PSD3: variants seen among roughly 807,000 people sequenced by gnomAD.
PSD3 encodes the protein pleckstrin and Sec7 domain containing 3.
In PSD3, 49 loss-of-function variants were observed where a neutral mutation model predicts 105.5. The observed-to-expected ratio is 0.46, with a 90% CI of 0.37 to 0.59. PSD3 has a LOEUF of 0.59. PSD3 is among the 20% of genes least tolerant of loss of function. PSD3 has a pLI of 0.00. For missense variants in PSD3, 1,561 were observed against 1,263.8 expected, an observed-to-expected ratio of 1.24 and a Z score of -3.57; for synonymous variants, 557 against 457.8, an observed-to-expected ratio of 1.22 and a Z score of -2.77.
intron 2 of PSD3, among the ~76,000 whole-genome samples, chr8:18,893,671 T>C (rs1818958274): frequency 6.7e-6 from 1 of 150,204 alleles, no homozygotes; most frequent in South Asian, 2.1e-4. Flanking sequence ...GCAGAGCACA[T>C]CCATGTGCTA....
intron 1 of PSD3, among the ~76,000 whole-genome samples, chr8:19,011,230 A>G (rs1257450573): frequency 1.3e-5 from 2 of 152,198 alleles, no homozygotes; most frequent in South Asian, 4.1e-4. Flanking sequence ...TAATATTCAC[A>G]TGGTTTTGCC....
chr8:19,072,761 G>A (rs762065163), intron 1 of PSD3, among the ~76,000 whole-genome samples: 2 of 152,174 alleles, frequency 1.3e-5, no homozygotes, highest in South Asian at 2.1e-4. Context: ...AGGCTCTCCA[G>A]GGTCTGCATA....
chr8:18,862,981 C>G (rs191856260), intron 4 of PSD3, among the ~76,000 whole-genome samples: 1 of 151,804 alleles, frequency 6.6e-6, no homozygotes, highest in Non-Finnish European at 1.5e-5. Flanking sequence ...ATCAGCTGCA[C>G]GCAGATGTAA....
rs187328089 is a variant in PSD3, at chr8:18,727,378, G to A, written c.2172+38071C>T. Among the ~76,000 whole-genome samples, 823 of 150,460 alleles carry A rather than the reference G, an allele frequency of 5.5e-3. 4 individuals are homozygous for A. Among genetic ancestry groups the A allele is most frequent in the Non-Finnish European group, 9.3e-3 (630 of 67,632 alleles). ...AAAAAAATGAGCCAGGCATGGTGGT[G>A]GACACCTGTAATCGCAGCTACTTGG... On this transcript the variant is annotated intron_variant, in intron 9 of 15. Coordinates refer to ENST00000327040, the MANE Select transcript of PSD3 (RefSeq NM_015310.4).
At chr8:18,903,202 G>C (rs1586375201) in intron 2 of PSD3, among the ~76,000 whole-genome samples, 1 of 152,164 alleles carries the variant, frequency 6.6e-6, no homozygotes, top group East Asian at 1.9e-4. Context: ...CCCAACTCCA[G>C]GAAAGTGATA....
chr8:18,895,690 G>A (rs1819101474), intron 2 of PSD3, among the ~76,000 whole-genome samples: 1 of 152,146 alleles, frequency 6.6e-6, no homozygotes, highest in South Asian at 2.1e-4. Flanking sequence ...GATAGTAACT[G>A]CACATATTTA....
At position 18,720,356 on chromosome 8, in the gene PSD3, G is replaced by C. The variant is rs565662261; in HGVS notation, c.2172+45093C>G. On this transcript the variant is annotated intron_variant, in intron 9 of 15. Coordinates refer to ENST00000327040, the MANE Select transcript of PSD3 (RefSeq NM_015310.4). The stretch of plus-strand genomic sequence containing the variant: ...AATTGGATTCTCTGAGCCTCTTAAG[G>C]TGACTCTTTGGATTGACAACACATT... Among the ~76,000 whole-genome samples the C allele has an allele frequency of 6.4e-4, 97 of 152,220 alleles. 1 individual carries two copies. Among genetic ancestry groups the C allele is most frequent in the African/African-American group, 2.2e-3 (93 of 41,528 alleles).
intron 11 of PSD3, among the ~76,000 whole-genome samples, chr8:18,602,890 C>A (rs1483239331): frequency 2.0e-5 from 3 of 152,108 alleles, no homozygotes; most frequent in Admixed American, 2.0e-4. Flanking sequence ...ATCATGAGGA[C>A]TGTAGAAGGA....
At chr8:18,831,895 TAAC>T (rs1813709320) in intron 4 of PSD3, among the ~76,000 whole-genome samples, 1 of 150,706 alleles carries the variant, frequency 6.6e-6, no homozygotes, top group South Asian at 2.1e-4. Flanking sequence ...AGAATAAATA[TAAC>T]AAAAAAAAAA....
At chr8:18,611,581 A>G (rs995964128) in intron 11 of PSD3, among the ~76,000 whole-genome samples, 2 of 144,606 alleles carry the variant, frequency 1.4e-5, no homozygotes, top group African/African-American at 2.5e-5. Context: ...AATATATGCA[A>G]TCCTTTGGAT....
intron 9 of PSD3, among the ~76,000 whole-genome samples, chr8:18,728,581 T>C (rs529192429): frequency 6.6e-6 from 1 of 152,122 alleles, no homozygotes; most frequent in South Asian, 2.1e-4. Flanking sequence ...TTGAAGGAAG[T>C]TCAGTGGTTC....
chr8:18,617,926 T>C (rs951119850), intron 11 of PSD3, among the ~76,000 whole-genome samples: 2 of 152,158 alleles, frequency 1.3e-5, no homozygotes, highest in Non-Finnish European at 2.9e-5. Flanking sequence ...TGCAAAGCCG[T>C]CTCTAGTGGG....
At chr8:18,753,221 A>G (rs375148720) in intron 9 of PSD3, among the ~76,000 whole-genome samples, 7 of 151,946 alleles carry the variant, frequency 4.6e-5, no homozygotes, top group African/African-American at 1.7e-4. Flanking sequence ...CAGGTGTGGT[A>G]GCGTGCGCCT....
intron 2 of PSD3, among the ~76,000 whole-genome samples, chr8:18,892,708 T>A (rs1312306393): frequency 3.3e-5 from 5 of 151,062 alleles, no homozygotes; most frequent in Non-Finnish European, 5.9e-5. Flanking sequence ...CACTGCAATC[T>A]CTGCCTCTCA....
intron 2 of PSD3, among the ~76,000 whole-genome samples, chr8:18,894,942 T>C (rs1300591429): frequency 1.3e-5 from 2 of 152,214 alleles, no homozygotes; most frequent in African/African-American, 4.8e-5. Context: ...AAGAGAGATT[T>C]TGGGTACTCT....
chr8:19,023,742 A>T (rs2129475968), intron 1 of PSD3, among the ~76,000 whole-genome samples: 1 of 152,266 alleles, frequency 6.6e-6, no homozygotes, highest in East Asian at 1.9e-4. Flanking sequence ...TGGCTACTGT[A>T]TTTAGACATT....
intron 9 of PSD3, among the ~76,000 whole-genome samples, chr8:18,681,390 T>C (rs963229589): frequency 1.4e-5 from 2 of 147,592 alleles, no homozygotes; most frequent in Non-Finnish European, 3.0e-5. Flanking sequence ...AAGGACTGCT[T>C]GAGCCCAGGA....
intron 8 of PSD3, among the ~76,000 whole-genome samples, chr8:18,790,113 A>AGG (rs1364644474): frequency 6.6e-6 from 1 of 152,120 alleles, no homozygotes; most frequent in African/African-American, 2.4e-5. Context: ...GATGGAAAAA[A>AGG]GGAAAGAAGG....
At chr8:18,852,699 C>G (rs1038726884) in intron 4 of PSD3, among the ~76,000 whole-genome samples, 3 of 152,166 alleles carry the variant, frequency 2.0e-5, no homozygotes, top group Non-Finnish European at 2.9e-5. Flanking sequence ...TGGAACCTGG[C>G]CACAAGGAAG....
Sources: gnomAD v4.1 joint callset for allele counts (sites outside exome capture counted in the v4.1 genomes callset) on GRCh38, gnomAD v4.1.1 for gene constraint, MANE v1.5 for transcripts, NCBI Gene and HGNC (gene_info 2026-07-23, HGNC 2026-07-21) for gene names.